OTUD7A: variants seen among roughly 807,000 people sequenced by gnomAD.
OTUD7A encodes OTU domain-containing protein 7A.
A neutral mutation model predicts 65.7 loss-of-function variants in OTUD7A; 12 were observed. That is an observed-to-expected ratio of 0.18 (90% CI 0.12 to 0.30). The LOEUF is 0.30. Among genes scored for constraint, OTUD7A ranks in the 10% least tolerant of loss-of-function variants. The pLI is 1.00. For missense variants in OTUD7A, 1,148 were observed against 1,304.8 expected (o/e 0.88, Z 1.85); for synonymous variants, 641 against 586.3 (o/e 1.09, Z -1.35).
chr15:31,788,784 T>C (rs535943988), intron 1 of OTUD7A, among the ~76,000 whole-genome samples: 2 of 152,306 alleles, frequency 1.3e-5, no homozygotes, highest in South Asian at 2.1e-4. Context: ...CCCAAAGCTA[T>C]CCACAGCATA....
intron 3 of OTUD7A, among the ~76,000 whole-genome samples, chr15:31,638,378 CTTTT>C (rs34239466): frequency 4.0e-4 from 54 of 134,548 alleles, no homozygotes; most frequent in Middle Eastern, 4.0e-3. Context: ...ATAAAGATAA[CTTTT>C]TTTTTTTTTT....
chr15:31,497,122 C>T (rs1342809868), intron 10 of OTUD7A, among the ~76,000 whole-genome samples: 3 of 152,160 alleles, frequency 2.0e-5, no homozygotes, highest in African/African-American at 4.8e-5. Flanking sequence ...TAAGTGGGAC[C>T]CTTGGGGGAA....
rs530394087 is a variant in OTUD7A at position 31,797,075 on chromosome 15, G to A, written c.-100+73432C>T. 3.9e-5 allele frequency among the ~76,000 whole-genome samples: 6 copies of A among 152,256 alleles called. No homozygotes were observed. In the South Asian group the frequency reaches 1.2e-3, roughly 32 times the overall value. On this transcript the variant is annotated intron_variant, in intron 1 of 12. Transcript: ENST00000307050. ...CACTTGCACAAGCATGGGGGTGCGG[G>A]GGGAAGCAAAATAAATCAGTTAAGA...
chr15:31,577,000 G>T (rs909704121), intron 3 of OTUD7A, among the ~76,000 whole-genome samples: 43 of 152,128 alleles, frequency 2.8e-4, no homozygotes, highest in African/African-American at 9.2e-4. Flanking sequence ...TCATAAAATA[G>T]AGATCACCAA....
chr15:31,479,342 G>T lies in OTUD7A; in HGVS notation c.*3952C>A, dbSNP rs2041076329. On this transcript the variant is annotated 3_prime_UTR_variant, in exon 13 of 13. Coordinates refer to ENST00000307050, the MANE Select transcript of OTUD7A (RefSeq NM_001382637.1). ...CTTCTTATCTATTAGAAGCACTGAG[G>T]AAAGAAAAAGGACAGAACACTGGGG... 6.6e-6 allele frequency: 1 copy of T among 152,034 alleles called. No individual in the cohort carries two copies. Among genetic ancestry groups the T allele is most frequent in the South Asian group, 2.1e-4 (1 of 4,820 alleles). 9.4% of individuals were successfully genotyped at this position (152,034 alleles called of 1,614,324 possible).
intron 1 of OTUD7A, among the ~76,000 whole-genome samples, chr15:31,749,814 C>A (rs1180808779): frequency 6.6e-6 from 1 of 151,708 alleles, no homozygotes; most frequent in South Asian, 2.1e-4. Context: ...CTTGTAAAAC[C>A]CTAAAGATGC....
At chr15:31,744,137 C>A (rs541415020) in intron 1 of OTUD7A, among the ~76,000 whole-genome samples, 1 of 152,062 alleles carries the variant, frequency 6.6e-6, no homozygotes, top group Admixed American at 6.6e-5. Context: ...TATGAAAATT[C>A]TTCCCTTAAA....
intron 10 of OTUD7A, among the ~76,000 whole-genome samples, chr15:31,500,919 C>G (rs534454323): frequency 6.6e-6 from 1 of 152,366 alleles, no homozygotes; most frequent in African/African-American, 2.4e-5. Flanking sequence ...CTCCACTCAG[C>G]TGGTCACACA....
intron 3 of OTUD7A, 59 bp from the exon 4 acceptor site, chr15:31,570,256 T>C (rs1889008160): frequency 1.3e-6 from 2 of 1,550,632 alleles, no homozygotes. Context: ...GGTCTCATCA[T>C]AGAGAAGAAC....
At chr15:31,648,768 T>G (rs1891751339) in intron 3 of OTUD7A, among the ~76,000 whole-genome samples, 1 of 152,118 alleles carries the variant, frequency 6.6e-6, no homozygotes, top group Non-Finnish European at 1.5e-5. Context: ...ATTTTATTAT[T>G]ATTATGTTTT....
At chr15:31,792,565 C>T (rs1019494143) in intron 1 of OTUD7A, among the ~76,000 whole-genome samples, 2 of 152,202 alleles carry the variant, frequency 1.3e-5, no homozygotes, top group Non-Finnish European at 2.9e-5. Flanking sequence ...TGGCCCCCAC[C>T]TTTATTCAGG....
intron 1 of OTUD7A, among the ~76,000 whole-genome samples, chr15:31,772,018 C>T (rs1595758508): frequency 1.3e-5 from 2 of 151,886 alleles, no homozygotes; most frequent in African/African-American, 4.8e-5. Context: ...TTTGGGAGGC[C>T]GAGGCGGGCG....
intron 1 of OTUD7A, among the ~76,000 whole-genome samples, chr15:31,668,810 C>T (rs1420155312): frequency 1.3e-5 from 2 of 152,174 alleles, no homozygotes; most frequent in Non-Finnish European, 2.9e-5. Flanking sequence ...GGGCTGCAGG[C>T]TGTTGTTCAG....
intron 1 of OTUD7A, among the ~76,000 whole-genome samples, chr15:31,801,954 A>G (rs1265499146): frequency 6.6e-6 from 1 of 152,154 alleles, no homozygotes; most frequent in Non-Finnish European, 1.5e-5. Context: ...AAGTGACACT[A>G]CTTTAGTATC....
At chr15:31,766,893 T>C in intron 1 of OTUD7A, 1 of 1,609,828 alleles carries the variant, frequency 6.2e-7, no homozygotes, top group Non-Finnish European at 8.5e-7. Flanking sequence ...TTGAATTCCC[T>C]GACACATCTA....
chr15:31,713,466 A>G (rs1301862638), intron 1 of OTUD7A, among the ~76,000 whole-genome samples: 1 of 152,154 alleles, frequency 6.6e-6, no homozygotes, highest in Admixed American at 6.5e-5. Flanking sequence ...TAAAAATACA[A>G]AAATTAGCCG....
intron 3 of OTUD7A, among the ~76,000 whole-genome samples, chr15:31,628,502 A>G (rs1359482716): frequency 6.6e-6 from 1 of 152,114 alleles, no homozygotes; most frequent in African/African-American, 2.4e-5. Context: ...GTAGCCTTGT[A>G]GTATAGTTTG....
intron 8 of OTUD7A, among the ~76,000 whole-genome samples, chr15:31,514,194 C>G (rs1380564034): frequency 6.6e-6 from 1 of 151,948 alleles, no homozygotes; most frequent in Admixed American, 6.6e-5. Context: ...GCTGGGACCA[C>G]AGGCCACCAT....
chr15:31,828,573 G>C (rs762886990), intron 1 of OTUD7A, among the ~76,000 whole-genome samples: 4 of 152,138 alleles, frequency 2.6e-5, no homozygotes, highest in Admixed American at 6.5e-5. Flanking sequence ...CTGCATGCTT[G>C]TTCTTTTGCA....
Sources: allele counts gnomAD v4.1 joint callset (sites outside exome capture counted in the v4.1 genomes callset), GRCh38; gene constraint gnomAD v4.1.1; transcripts MANE v1.5; gene names NCBI Gene and HGNC (gene_info 2026-07-23, HGNC 2026-07-21).